The following TLR8 variants were observed in gnomAD, a reference collection of about 807,000 sequenced individuals.
TLR8 encodes the protein toll-like receptor 8.
TLR8 carries 5 observed loss-of-function variants against 18.5 expected under a neutral mutation model. That is an observed-to-expected ratio of 0.27 (90% CI 0.14 to 0.57). The LOEUF (loss-of-function observed/expected upper bound fraction) is 0.57. Ranked by LOEUF, TLR8 falls within the 20% of genes least tolerant of loss-of-function variation. The pLI is 0.92. For synonymous variants in TLR8, 299 were observed against 300.1 expected, an observed-to-expected ratio of 1.00 and a Z score of 0.04; for missense variants, 543 against 769.8, an observed-to-expected ratio of 0.71 and a Z score of 3.49.
At chrX:12,917,234 C>T (rs1410651846) in intron 1 of TLR8, among the ~76,000 whole-genome samples, 1 of 112,139 alleles carries the variant, frequency 8.9e-6, no homozygotes, top group Non-Finnish European at 1.9e-5. Context: ...GCAAGTTAAA[C>T]ATTAAGCAGC....
rs777524384 is a variant in TLR8 at position 12,921,565 on chromosome X, T to C, written c.2525T>C (p.Val842Ala). 1 of 1,212,052 alleles carries C rather than the reference T, an allele frequency of 8.3e-7. No individual in the cohort carries two copies. The highest frequency in any genetic ancestry group is 1.1e-6 in the Non-Finnish European group (1 of 895,501). ...FFFTFFITTM[V>A]MLAALAHHLF... The stretch of plus-strand genomic sequence containing the variant: ...TTCACGTTCTTTATCACCACCATGG[T>C]TATGTTGGCTGCCCTGGCTCACCAT... Residue 842 changes from valine (V) to alanine (A), a missense_variant, in exon 2 of 2, where the codon GTT (valine) becomes GCT (alanine). By Grantham distance (64) the Val-to-Ala change is moderately conservative. Around this residue, in one of 4 missense-constraint regions of TLR8, gnomAD observed 227 missense variants for 312.9 expected, o/e 0.73. Coordinates refer to ENST00000218032, the MANE Select transcript of TLR8 (RefSeq NM_138636.5).
At position 12,921,002 on chromosome X, in the gene TLR8, C is replaced by G. The variant is rs2043090071; in HGVS notation, c.1962C>G (p.Ile654Met). 8.3e-7 allele frequency: 1 copy of G among 1,210,681 alleles called. No homozygotes were observed. The highest frequency in any genetic ancestry group is 1.1e-6 in the Non-Finnish European group (1 of 894,456). ...TATCCCTTAATAGGCTGAAGCACAT[C>G]CCAAATGAAGCATTCCTTAATTTGC... ...LDLSLNRLKH[I>M]PNEAFLNLPA... Residue 654 changes from isoleucine (I) to methionine (M), a missense_variant, in exon 2 of 2, where the codon ATC (isoleucine) becomes ATG (methionine). Ile to Met is a conservative substitution (Grantham distance 10). Transcript: ENST00000218032.
At chrX:12,909,881 C>T (rs1242227596) in intron 1 of TLR8, among the ~76,000 whole-genome samples, 1 of 111,781 alleles carries the variant, frequency 8.9e-6, no homozygotes, top group Admixed American at 9.5e-5. Flanking sequence ...GTTTTTGTTT[C>T]TGAGGATTAA....
At chrX:12,911,613 G>C (rs1252201588) in intron 1 of TLR8, among the ~76,000 whole-genome samples, 2 of 112,267 alleles carry the variant, frequency 1.8e-5, no homozygotes, top group East Asian at 2.8e-4. Flanking sequence ...AGAACTTCAA[G>C]TTATCTATTA....
chrX:12,912,086 T>TCTCTC (rs199740644), intron 1 of TLR8, among the ~76,000 whole-genome samples: 3 of 92,626 alleles, frequency 3.2e-5, no homozygotes, highest in African/African-American at 1.2e-4. Context: ...CTCTCTCTCT[T>TCTCTC]TCTCTCTATT....
rs780631934 is a variant in TLR8, at chrX:12,920,385, C to A, written c.1345C>A (p.Arg449Ser). The A allele has an allele frequency of 3.3e-6, 4 of 1,208,262 alleles. No homozygotes were observed. The East Asian group carries it at 1.2e-4, about 36-fold the overall frequency. Residue 449 changes from arginine to serine, a missense_variant, in exon 2 of 2, where the codon CGT (arginine) becomes AGT (serine). This residue lies in a region of TLR8 where 185 missense variants were observed against 298.9 expected (regional missense o/e 0.62). Coordinates refer to ENST00000218032, the MANE Select transcript of TLR8 (RefSeq NM_138636.5). The stretch of plus-strand genomic sequence containing the variant: ...TTATGCAAATAGTTCCTCTTTTCAA[C>A]GTCATATCCGGAAACGACGCTCAAC... ...QSYANSSSFQ[R>S]HIRKRRSTDF... is the part of the protein sequence containing the mutation.
intron 1 of TLR8, among the ~76,000 whole-genome samples, chrX:12,909,002 C>T (rs1401319257): frequency 8.9e-6 from 1 of 111,981 alleles, no homozygotes; most frequent in Non-Finnish European, 1.9e-5. Flanking sequence ...ATGTCATTAC[C>T]CACAGTTAGT....
Position 12,919,656 on chromosome X carries a change from C to T in TLR8, c.616C>T (p.Leu206=). The change falls in exon 2 of 2, where the codon CTA becomes TTA. Residue 206 remains leucine, a synonymous_variant. Transcript: ENST00000218032. Reference sequence around the variant, plus strand: ...TGAAACGCTGACAAATTTGGAGTTGCTATCACTATCTTTCAATTCTCTTTC... The same window carrying T: ...TGAAACGCTGACAAATTTGGAGTTGTTATCACTATCTTTCAATTCTCTTTC... ...VFETLTNLEL[L]SLSFNSLSHV... 4 of 1,211,467 alleles carry T rather than the reference C, an allele frequency of 3.3e-6. No individual in the cohort carries two copies. The highest frequency in any genetic ancestry group is 1.7e-5 in the African/African-American group (1 of 57,786).
In TLR8 at chrX:12,919,230, T is replaced by C; in HGVS notation, c.190T>C (p.Tyr64His). 1 of 1,211,753 alleles carries C rather than the reference T, an allele frequency of 8.3e-7. No homozygotes were observed. Among genetic ancestry groups the C allele is most frequent in the South Asian group, 1.8e-5 (1 of 57,024 alleles). The stretch of plus-strand genomic sequence containing the variant: ...GGAAGTTCCCCAAACGGTGGGCAAA[T>C]ATGTGACAGAACTAGACCTGTCTGA... ...LQEVPQTVGK[Y>H]VTELDLSDNF... The change falls in exon 2 of 2, where the codon TAT (tyrosine) becomes CAT (histidine). Residue 64 changes from tyrosine (Y) to histidine (H), a missense_variant. By Grantham distance (83) the Tyr-to-His change is moderately conservative. Around this residue, in one of 4 missense-constraint regions of TLR8, gnomAD observed 117 missense variants for 111.0 expected, o/e 1.05. Transcript: ENST00000218032.
intron 1 of TLR8, among the ~76,000 whole-genome samples, chrX:12,912,666 C>G (rs999443459): frequency 3.5e-5 from 4 of 113,203 alleles, no homozygotes; most frequent in Admixed American, 1.9e-4. Flanking sequence ...TTTGTCGACT[C>G]ATGTTTCTTA....
Position 12,921,825 on chromosome X carries a change from A to G in TLR8, c.2785A>G (p.Ile929Val). 8.3e-7 allele frequency: 1 copy of G among 1,212,072 alleles called. No individual in the cohort carries two copies. Among genetic ancestry groups the G allele is most frequent in the Non-Finnish European group, 1.1e-6 (1 of 895,546 alleles). ...ERDWDPGLAIIDNLMQSINQS... is the reference protein window; with the variant it reads ...ERDWDPGLAIVDNLMQSINQS... ...GGATTGGGACCCGGGATTGGCCATC[A>G]TCGACAACCTCATGCAGAGCATCAA... is the stretch of plus-strand genomic sequence containing the variant. The change falls in exon 2 of 2, where the codon ATC becomes GTC. Residue 929 changes from isoleucine (I) to valine (V), a missense_variant. Physicochemically the swap from Ile to Val is conservative, Grantham distance 29 (BLOSUM62 3). Around this residue, in one of 4 missense-constraint regions of TLR8, gnomAD observed 227 missense variants for 312.9 expected, o/e 0.73. Coordinates refer to ENST00000218032, the MANE Select transcript of TLR8 (RefSeq NM_138636.5).
rs747177467 is a variant in TLR8, at chrX:12,920,078, T to C, written c.1038T>C (p.Phe346=). ...GCTTAGAAATACTTGACTTGTCTTT[T>C]AACTATATAAAGGGGAGTTATCCAC... ...LPRLEILDLS[F]NYIKGSYPQH... Residue 346 remains phenylalanine (F), a synonymous_variant, in exon 2 of 2, where the codon TTT becomes TTC. Coordinates refer to ENST00000218032, the MANE Select transcript of TLR8 (RefSeq NM_138636.5). The C allele has an allele frequency of 2.5e-6, 3 of 1,210,330 alleles. 1 individual carries two copies. The South Asian group carries it at 5.3e-5, about 21-fold the overall frequency.
In TLR8 at chrX:12,920,434, C is replaced by T. The variant is rs1363569571; in HGVS notation, c.1394C>T (p.Ser465Leu). The T allele has an allele frequency of 8.3e-7, 1 of 1,209,959 alleles. No individual in the cohort carries two copies. The highest frequency in any genetic ancestry group is 3.0e-5 in the East Asian group (1 of 33,859). The change falls in exon 2 of 2, where the codon TCG becomes TTG. Residue 465 changes from serine to leucine, a missense_variant. Physicochemically the swap from Ser to Leu is moderately radical, Grantham distance 145 (BLOSUM62 -2). Around this residue, in one of 4 missense-constraint regions of TLR8, gnomAD observed 185 missense variants for 298.9 expected, o/e 0.62. Transcript: ENST00000218032. ...RSTDFEFDPH[S>L]NFYHFTRPLI... The stretch of plus-strand genomic sequence containing the variant: ...ACAGATTTTGAGTTTGACCCACATT[C>T]GAACTTTTATCATTTCACCCGTCCT...
chrX:12,906,847 A>G, intron 1 of TLR8, 138 bp downstream of exon 1: 1 of 501,813 alleles, frequency 2.0e-6, no homozygotes, highest in Non-Finnish European at 3.0e-6. Context: ...AAAGATCGAA[A>G]CAACTGTAAA....
intron 1 of TLR8, among the ~76,000 whole-genome samples, chrX:12,913,260 T>C (rs1820416731): frequency 8.9e-6 from 1 of 111,925 alleles, no homozygotes; most frequent in Non-Finnish European, 1.9e-5. Flanking sequence ...ACTTCTGTGA[T>C]CTTCCTCCCC....
chrX:12,920,773 A>C lies in TLR8; in HGVS notation c.1733A>C (p.Glu578Ala). ...FRIAGVTHHL[E>A]FIQNFTNLKV... ...ATAGCAGGCGTAACACATCATCTAG[A>C]ATTTATTCAAAATTTCACAAATCTA... Residue 578 changes from glutamate to alanine, a missense_variant, in exon 2 of 2, where the codon GAA becomes GCA. Glu to Ala is a moderately radical substitution (Grantham distance 107, BLOSUM62 -1). This residue lies in a region of TLR8 where 14 missense variants were observed against 47.0 expected (regional missense o/e 0.30). Transcript: ENST00000218032. 1 of 1,209,189 alleles carries C rather than the reference A, an allele frequency of 8.3e-7. No homozygotes were observed. Among genetic ancestry groups the C allele is most frequent in the Non-Finnish European group, 1.1e-6 (1 of 893,846 alleles).
Position 12,922,592 on chromosome X carries a change from C to T in TLR8, c.*426C>T, listed in dbSNP as rs1440244701. Reference sequence around the variant, plus strand: ...TCGAATCAAAAAAGTGATATCTCATCACTTTGGCCATATTCTATTTGTTAG... The same window carrying T: ...TCGAATCAAAAAAGTGATATCTCATTACTTTGGCCATATTCTATTTGTTAG... On this transcript the variant is annotated 3_prime_UTR_variant, in exon 2 of 2. Transcript: ENST00000218032. 1 of 120,325 alleles carries T rather than the reference C, an allele frequency of 8.3e-6. No individual in the cohort carries two copies. The highest frequency in any genetic ancestry group is 1.7e-5 in the Non-Finnish European group (1 of 58,735). The allele number at this position is 120,325 out of a possible 1,213,427, so 9.9% of individuals were successfully genotyped here.
intron 1 of TLR8, among the ~76,000 whole-genome samples, chrX:12,916,460 G>T (rs568776966): frequency 1.8e-5 from 2 of 111,630 alleles, no homozygotes; most frequent in Middle Eastern, 9.3e-3. Flanking sequence ...ATATAGCATT[G>T]CCTGTGGCGT....
rs1382920473 is a variant in TLR8 at position 12,922,127 on chromosome X, G to A, written c.3087G>A (p.Arg1029=). Residue 1029 remains arginine (R), a synonymous_variant, in exon 2 of 2, where the codon CGG becomes CGA. Transcript: ENST00000218032. ...TGGTCTTGACTGAAAATGATTCACG[G>A]TATAACAATATGTATGTCGATTCCA... The part of the protein sequence containing the change: ...RNVVLTENDS[R]YNNMYVDSIK... 1.7e-6 allele frequency: 2 copies of A among 1,207,615 alleles called. No individual in the cohort carries two copies. Among genetic ancestry groups the A allele is most frequent in the East Asian group, 5.9e-5 (2 of 33,817 alleles).
Sources: allele counts gnomAD v4.1 joint callset (sites outside exome capture counted in the v4.1 genomes callset), GRCh38; gene constraint gnomAD v4.1.1; regional missense constraint gnomAD v4.1.1; transcripts MANE v1.5; gene names NCBI Gene and HGNC (gene_info 2026-07-23, HGNC 2026-07-21).